RP1: variants seen among roughly 807,000 people sequenced by gnomAD.
The protein encoded by RP1 is RP1 axonemal microtubule associated.
Under a neutral mutation model 14.8 loss-of-function variants are expected in RP1, and 16 were observed. The ratio of observed to expected loss-of-function variants is 1.08; its 90% CI spans 0.73 to 1.65. RP1 has a LOEUF of 1.65. Ranked by LOEUF, RP1 falls within the 40% of genes most tolerant of loss-of-function variation. The pLI, the probability that RP1 is intolerant of heterozygous loss-of-function variation, is 0.00. For synonymous variants in RP1, 876 were observed against 883.6 expected (o/e 0.99, Z 0.15); for missense variants, 2,631 against 2,535.0 (o/e 1.04, Z -0.81).
intron 11 of RP1, chr8:54,679,697 A>G: frequency 6.5e-7 from 1 of 1,527,648 alleles, no homozygotes; most frequent in Non-Finnish European, 8.8e-7. Flanking sequence ...ATGTGTTAAA[A>G]CAAAACAGCC....
At chr8:54,822,164 T>C (rs934537371) in intron 24 of RP1, among the ~76,000 whole-genome samples, 13 of 152,236 alleles carry the variant, frequency 8.5e-5, no homozygotes, top group African/African-American at 1.9e-4. Flanking sequence ...AATAGTTTAA[T>C]TATTTATTAG....
At chr8:54,647,619 T>C (rs147626136) in intron 3 of RP1, among the ~76,000 whole-genome samples, 78 of 152,242 alleles carry the variant, frequency 5.1e-4, no homozygotes, top group African/African-American at 1.8e-3. Context: ...TTTATTACCT[T>C]ATATTCTTAC....
intron 12 of RP1, among the ~76,000 whole-genome samples, chr8:54,686,136 G>T (rs1349771540): frequency 1.3e-5 from 2 of 152,170 alleles, no homozygotes; most frequent in Non-Finnish European, 2.9e-5. Context: ...GCAGGTGGAG[G>T]ATAATATGAG....
At chr8:54,676,542 C>A (rs913635276) in intron 8 of RP1, among the ~76,000 whole-genome samples, 6 of 152,154 alleles carry the variant, frequency 3.9e-5, no homozygotes, top group African/African-American at 1.4e-4. Context: ...ATGATTACTG[C>A]TTTAAATACC....
chr8:54,631,728 G>A (rs1368692711), downstream of RP1, among the ~76,000 whole-genome samples: 1 of 151,672 alleles, frequency 6.6e-6, no homozygotes, highest in African/African-American at 2.4e-5. Flanking sequence ...TTGAACTCCT[G>A]GGCTCAAATG....
intron 24 of RP1, among the ~76,000 whole-genome samples, chr8:54,833,582 AG>A (rs1271229493): frequency 2.0e-5 from 3 of 152,068 alleles, no homozygotes; most frequent in Non-Finnish European, 2.9e-5. Flanking sequence ...AAAAAGTTAA[AG>A]ATCCATATCA....
In RP1 at chr8:54,627,269, T is replaced by G; in HGVS notation, c.3387T>G (p.Leu1129=). 1 of 1,614,106 alleles carries G rather than the reference T, an allele frequency of 6.2e-7. No homozygotes were observed. The highest frequency in any genetic ancestry group is 1.3e-5 in the African/African-American group (1 of 75,052). The change falls in exon 4 of 4, where the codon CTT becomes CTG. Residue 1129 remains leucine, a synonymous_variant. Transcript: ENST00000220676. ...SAICNSSTNL[L]LAWLLVLNLK... ...TATGTAATTCATCCACTAATCTCCTTCTAGCTTGGCTCTTGGTGCTAAACC... is the reference window on the plus strand; with the variant it reads ...TATGTAATTCATCCACTAATCTCCTGCTAGCTTGGCTCTTGGTGCTAAACC...
chr8:54,572,880 A>G (rs1804553222), intron 1 of RP1, among the ~76,000 whole-genome samples: 2 of 152,174 alleles, frequency 1.3e-5, no homozygotes, highest in Admixed American at 6.5e-5. Flanking sequence ...CTTCAAAATA[A>G]CCAATTTTCC....
chr8:54,776,376 G>T (rs951218336), intron 23 of RP1, among the ~76,000 whole-genome samples: 2 of 152,110 alleles, frequency 1.3e-5, no homozygotes, highest in Non-Finnish European at 2.9e-5. Context: ...TAATTAAAAA[G>T]AAATTGTAGA....
At chr8:54,708,756 TC>T (rs1479369529) in intron 15 of RP1, among the ~76,000 whole-genome samples, 1 of 151,960 alleles carries the variant, frequency 6.6e-6, no homozygotes, top group Admixed American at 6.6e-5. Flanking sequence ...ATCTTTTTCT[TC>T]CCAGTGAGTA....
At position 54,740,555 on chromosome 8, in the gene RP1, C is replaced by T. The variant is rs570169802; in HGVS notation, c.2808+1526C>T. On this transcript the variant is annotated intron_variant, in intron 19 of 22. Coordinates refer to the RP1 transcript ENST00000636932. Reference sequence around the variant, plus strand: ...TGACCAACATAGTGAAATCTCATCTCTACTAAAAATACAAGAATTAGCTGG... The same window carrying T: ...TGACCAACATAGTGAAATCTCATCTTTACTAAAAATACAAGAATTAGCTGG... 2.2e-4 allele frequency among the ~76,000 whole-genome samples: 33 copies of T among 151,706 alleles called. 1 individual carries two copies. Among genetic ancestry groups the T allele is most frequent in the South Asian group, 1.0e-3 (5 of 4,788 alleles).
intron 26 of RP1, among the ~76,000 whole-genome samples, chr8:54,853,833 A>T (rs1313478010): frequency 7.5e-6 from 1 of 132,516 alleles, no homozygotes; most frequent in Non-Finnish European, 1.5e-5. Flanking sequence ...AGAAACAAAG[A>T]GAGAGAAAGA....
intron 24 of RP1, among the ~76,000 whole-genome samples, chr8:54,831,098 TTCA>T (rs1290258938): frequency 6.6e-6 from 1 of 152,104 alleles, no homozygotes; most frequent in Admixed American, 6.6e-5. Context: ...TGTTGATACA[TTCA>T]TCAATTGTTG....
At chr8:54,710,543 C>T (rs1055360495) in intron 15 of RP1, among the ~76,000 whole-genome samples, 3 of 152,202 alleles carry the variant, frequency 2.0e-5, no homozygotes, top group Non-Finnish European at 4.4e-5. Flanking sequence ...TTTTTGGCTA[C>T]CCGCACTTGG....
chr8:54,756,356 A>ATTAT (rs1247377659), intron 21 of RP1, among the ~76,000 whole-genome samples: 1 of 152,188 alleles, frequency 6.6e-6, no homozygotes, highest in East Asian at 1.9e-4. Context: ...CCTGAAATTA[A>ATTAT]GTTTGGGGAT....
rs778932774 is a variant in RP1, at chr8:54,626,070, G to C, written c.2188G>C (p.Asp730His). The C allele has an allele frequency of 6.2e-7, 1 of 1,613,500 alleles. No individual in the cohort carries two copies. The change falls in exon 4 of 4, where the codon GAC (aspartate) becomes CAC (histidine). Residue 730 changes from aspartate (D) to histidine (H), a missense_variant. By Grantham distance (81) the Asp-to-His change is moderately conservative. Transcript: ENST00000220676. ...PLKGGILCEE[D>H]LQKSDTVIES... ...TAAAGGAGGGATACTTTGTGAGGAA[G>C]ACCTCCAGAAAAGTGATACTGTAAT...
At chr8:54,678,301 G>A (rs1807344206) in intron 8 of RP1, among the ~76,000 whole-genome samples, 1 of 152,220 alleles carries the variant, frequency 6.6e-6, no homozygotes, top group Admixed American at 6.5e-5. Context: ...ATTCCTTACA[G>A]TTTACTTCTG....
intron 15 of RP1, among the ~76,000 whole-genome samples, chr8:54,715,947 A>G (rs925307159): frequency 2.0e-5 from 3 of 152,244 alleles, no homozygotes; most frequent in African/African-American, 7.2e-5. Flanking sequence ...GTAAGTACCA[A>G]GTTCAGTGTT....
chr8:54,755,514 T>G (rs976208760), intron 20 of RP1: 1 of 1,088,812 alleles, frequency 9.2e-7, no homozygotes, highest in African/African-American at 1.6e-5. Flanking sequence ...CATATATGTT[T>G]TTCTTTTTTT....
Sources: gnomAD v4.1 joint callset for allele counts (sites outside exome capture counted in the v4.1 genomes callset) on GRCh38, gnomAD v4.1.1 for gene constraint, MANE v1.5 for transcripts, NCBI Gene and HGNC (gene_info 2026-07-23, HGNC 2026-07-21) for gene names.